Variants in ZNF678 observed in about 807,000 individuals in gnomAD.
ZNF678 encodes the protein hypothetical protein MGC42493.
A neutral mutation model predicts 3.0 loss-of-function variants in ZNF678; 5 were observed. The observed-to-expected ratio is 1.69, with a 90% CI of 0.88 to 3.56. The LOEUF (loss-of-function observed/expected upper bound fraction) is 3.56. ZNF678 is among the 30% of genes most tolerant of loss of function. ZNF678 has a pLI of 0.00. For missense variants in ZNF678, 593 were observed against 605.0 expected, an observed-to-expected ratio of 0.98 and a Z score of 0.21; for synonymous variants, 218 against 199.6, an observed-to-expected ratio of 1.09 and a Z score of -0.78.
At chr1:227,599,867 A>T (rs1657691232) in intron 1 of ZNF678, among the ~76,000 whole-genome samples, 1 of 152,204 alleles carries the variant, frequency 6.6e-6, no homozygotes, top group South Asian at 2.1e-4. Context: ...TTATATAGGT[A>T]AACTCGTGTA....
At chr1:227,639,218 C>A (rs951157092) in intron 1 of ZNF678, among the ~76,000 whole-genome samples, 1 of 152,174 alleles carries the variant, frequency 6.6e-6, no homozygotes, top group Non-Finnish European at 1.5e-5. Context: ...CCTTCATTGC[C>A]GCACTTGAAA....
chr1:227,675,595 C>T (rs1011549593), intron 5 of ZNF678, among the ~76,000 whole-genome samples: 4 of 151,922 alleles, frequency 2.6e-5, no homozygotes, highest in African/African-American at 9.7e-5. Context: ...AAAGAAAATT[C>T]AGGAAATTTT....
chr1:227,629,217 G>A (rs1345728442), intron 1 of ZNF678, among the ~76,000 whole-genome samples: 9 of 152,152 alleles, frequency 5.9e-5, no homozygotes, highest in African/African-American at 2.2e-4. Flanking sequence ...GGTAGGGAAA[G>A]GAGGTGGAAT....
At position 227,657,609 on chromosome 1, in the gene ZNF678, CT is replaced by C. The variant is rs768762875; in HGVS notation, c.*1782del. On this transcript the variant is annotated 3_prime_UTR_variant, in exon 4 of 4. Transcript: ENST00000343776. Reference sequence around the variant, plus strand: ...ACGTTTTTCTTTGAGCCTGTGACCCCTCTGGCCTGTAAAAACACATACATAC... The same window carrying C: ...ACGTTTTTCTTTGAGCCTGTGACCCCCTGGCCTGTAAAAACACATACATAC... The C allele has an allele frequency of 7.2e-5, 11 of 151,978 alleles. No individual in the cohort carries two copies. In the East Asian group the frequency reaches 1.2e-3, roughly 16 times the overall value. The allele number at this position is 151,978 out of a possible 1,614,324, so 9.4% of individuals were successfully genotyped here.
intron 1 of ZNF678, among the ~76,000 whole-genome samples, chr1:227,639,735 TG>T (rs1658771787): frequency 1.3e-5 from 2 of 152,158 alleles, no homozygotes; most frequent in South Asian, 4.1e-4. Context: ...ACCAGTAGGC[TG>T]GGCAGGAGCT....
chr1:227,646,498 C>T (rs1446479893), intron 1 of ZNF678, 46 bp from the exon 2 acceptor site: 1 of 1,349,864 alleles, frequency 7.4e-7, no homozygotes, highest in Non-Finnish European at 9.9e-7. Flanking sequence ...AAGAACTCTG[C>T]CCATGGCACA....
At chr1:227,670,432 G>T (rs918455189) in intron 5 of ZNF678, among the ~76,000 whole-genome samples, 8 of 152,168 alleles carry the variant, frequency 5.3e-5, no homozygotes, top group African/African-American at 1.9e-4. Context: ...CCATTGTATT[G>T]GAGTAAAGTG....
chr1:227,569,682 C>T (rs181102815), intron 1 of ZNF678, among the ~76,000 whole-genome samples: 1 of 149,618 alleles, frequency 6.7e-6, no homozygotes, highest in Non-Finnish European at 1.5e-5. Context: ...TTAGTTTAAG[C>T]TATTTCTTGG....
At chr1:227,575,598 C>T (rs1037112802) in intron 1 of ZNF678, among the ~76,000 whole-genome samples, 1 of 152,126 alleles carries the variant, frequency 6.6e-6, no homozygotes, top group Non-Finnish European at 1.5e-5. Flanking sequence ...GATTTTGTAT[C>T]CTGAGACTTT....
At chr1:227,631,919 A>G (rs1658556531) in intron 1 of ZNF678, among the ~76,000 whole-genome samples, 1 of 152,230 alleles carries the variant, frequency 6.6e-6, no homozygotes, top group African/African-American at 2.4e-5. Context: ...TTGCCACTAT[A>G]GGAGTATGCA....
rs879203816 is a variant in ZNF678, at chr1:227,655,180, T to C, written c.930T>C (p.Arg310=). ...KAFTQFASLT[R]HKRIHTGEKP... is the part of the protein sequence containing the mutation. Reference sequence around the variant, plus strand: ...TTACACAGTTTGCAAGCCTTACTCGTCATAAAAGAATTCATACTGGAGAAA... The same window carrying C: ...TTACACAGTTTGCAAGCCTTACTCGCCATAAAAGAATTCATACTGGAGAAA... The change falls in exon 4 of 4, where the codon CGT becomes CGC. Residue 310 remains arginine (R), a synonymous_variant. Coordinates refer to ENST00000343776, the MANE Select transcript of ZNF678 (RefSeq NM_001367909.1). 6.2e-7 allele frequency: 1 copy of C among 1,602,218 alleles called. No individual in the cohort carries two copies. Among genetic ancestry groups the C allele is most frequent in the African/African-American group, 1.4e-5 (1 of 71,706 alleles).
chr1:227,648,594 G>A (rs1038309546), intron 2 of ZNF678, among the ~76,000 whole-genome samples: 2 of 152,172 alleles, frequency 1.3e-5, no homozygotes, highest in African/African-American at 4.8e-5. Context: ...AAGGTGCGCA[G>A]ATCACTTGTG....
intron 1 of ZNF678, among the ~76,000 whole-genome samples, chr1:227,639,393 A>G (rs182663219): frequency 6.6e-6 from 1 of 152,362 alleles, no homozygotes; most frequent in African/African-American, 2.4e-5. Flanking sequence ...TGAAGGGTAA[A>G]TTAAGAAAGT....
intron 1 of ZNF678, among the ~76,000 whole-genome samples, chr1:227,602,966 C>T (rs1427729388): frequency 1.3e-5 from 2 of 152,082 alleles, no homozygotes; most frequent in Non-Finnish European, 1.5e-5. Flanking sequence ...TGTAAGTAGC[C>T]ACTGTGCCCC....
At chr1:227,668,261 A>G (rs1659541888) in intron 5 of ZNF678, among the ~76,000 whole-genome samples, 1 of 152,186 alleles carries the variant, frequency 6.6e-6, no homozygotes, top group African/African-American at 2.4e-5. Flanking sequence ...CCAGTTCTAT[A>G]ATTAGCGATT....
At chr1:227,633,859 G>A (rs1050984034) in intron 1 of ZNF678, among the ~76,000 whole-genome samples, 4 of 152,152 alleles carry the variant, frequency 2.6e-5, no homozygotes, top group African/African-American at 9.7e-5. Context: ...GTGGACTAGT[G>A]GGGCACATGG....
intron 1 of ZNF678, among the ~76,000 whole-genome samples, chr1:227,630,466 T>C (rs1372533722): frequency 6.6e-6 from 1 of 152,238 alleles, no homozygotes; most frequent in South Asian, 2.1e-4. Flanking sequence ...GCTGCAGTTA[T>C]GGCAGCACTT....
chr1:227,661,727 G>T lies in ZNF678; in HGVS notation c.*5899G>T, dbSNP rs1281823775. Reference sequence around the variant, plus strand: ...GGCAGTCATCAGTGTGTCTTGGAAGGGACAAACATTGAGCTTCTGAACAGC... The same window carrying T: ...GGCAGTCATCAGTGTGTCTTGGAAGTGACAAACATTGAGCTTCTGAACAGC... On this transcript the variant is annotated 3_prime_UTR_variant, in exon 4 of 4. Transcript: ENST00000343776. 6.6e-6 allele frequency: 1 copy of T among 152,138 alleles called. No individual in the cohort carries two copies. Among genetic ancestry groups the T allele is most frequent in the Admixed American group, 6.6e-5 (1 of 15,262 alleles). 9.4% of individuals were successfully genotyped at this position (152,138 alleles called of 1,614,324 possible).
intron 1 of ZNF678, among the ~76,000 whole-genome samples, chr1:227,585,382 T>C (rs1375003540): frequency 6.6e-6 from 1 of 152,164 alleles, no homozygotes; most frequent in Non-Finnish European, 1.5e-5. Context: ...GAACCTTAAA[T>C]GGCTAATAAG....
Sources: gnomAD v4.1 joint callset for allele counts (sites outside exome capture counted in the v4.1 genomes callset) on GRCh38, gnomAD v4.1.1 for gene constraint, MANE v1.5 for transcripts, NCBI Gene and HGNC (gene_info 2026-07-23, HGNC 2026-07-21) for gene names.